YWHAZ: variants seen among roughly 807,000 people sequenced by gnomAD.
YWHAZ encodes 14-3-3 protein zeta/delta.
For synonymous variants in YWHAZ, 87 were observed against 103.6 expected (o/e 0.84, Z 0.97); for missense variants, 79 against 284.8 (o/e 0.28, Z 5.20).
chr8:100,926,418 C>T (rs1442816360), intron 2 of YWHAZ, among the ~76,000 whole-genome samples: 1 of 152,102 alleles, frequency 6.6e-6, no homozygotes, highest in Non-Finnish European at 1.5e-5. Context: ...GCTAGGGTGG[C>T]AGGATCACTT....
intron 2 of YWHAZ, among the ~76,000 whole-genome samples, chr8:100,935,321 C>T (rs1026517014): frequency 1.3e-4 from 20 of 152,180 alleles, no homozygotes; most frequent in Non-Finnish European, 2.6e-4. Flanking sequence ...TTAAATAAAA[C>T]ATTTTAAAAC....
intron 2 of YWHAZ, among the ~76,000 whole-genome samples, chr8:100,947,887 A>T (rs902250511): frequency 1.3e-5 from 2 of 152,240 alleles, no homozygotes; most frequent in African/African-American, 4.8e-5. Flanking sequence ...CCTCAAATTT[A>T]AACTATTCTT....
At position 100,923,947 on chromosome 8, in the gene YWHAZ, G is replaced by C; in HGVS notation, c.678+8C>G. The C allele has an allele frequency of 6.2e-7, 1 of 1,607,122 alleles. No individual in the cohort carries two copies. Among genetic ancestry groups the C allele is most frequent in the Middle Eastern group, 1.9e-4 (1 of 5,196 alleles). On this transcript the variant is annotated splice_region_variant and intron_variant, in intron 5 of 5. Coordinates refer to ENST00000395958, the MANE Select transcript of YWHAZ (RefSeq NM_145690.3). ...CATTCATCACTAATGATGCTGTTAT[G>C]TACTTACTGTCAAGTTGTCTCTCAG...
At chr8:100,944,199 A>G (rs1206190874) in intron 2 of YWHAZ, among the ~76,000 whole-genome samples, 1 of 152,170 alleles carries the variant, frequency 6.6e-6, no homozygotes, top group African/African-American at 2.4e-5. Context: ...TGAGCTGTCT[A>G]GTGATTTTCA....
chr8:100,943,936 G>A (rs1377831917), intron 2 of YWHAZ, among the ~76,000 whole-genome samples: 4 of 142,786 alleles, frequency 2.8e-5, no homozygotes, highest in Admixed American at 7.6e-5. Flanking sequence ...GCAGTGAGCC[G>A]AGATCGTTCC....
At chr8:100,921,620 T>C (rs1248450755) in intron 5 of YWHAZ, among the ~76,000 whole-genome samples, 1 of 152,248 alleles carries the variant, frequency 6.6e-6, no homozygotes, top group African/African-American at 2.4e-5. Flanking sequence ...ATTTATCAGG[T>C]TGGTGCAAAA....
At chr8:100,925,115 C>A in intron 2 of YWHAZ, 76 bp from the exon 3 acceptor site, 1 of 1,451,650 alleles carries the variant, frequency 6.9e-7, no homozygotes, top group Non-Finnish European at 9.3e-7. Context: ...TCTTAAAGAA[C>A]AAACTATAGC....
intron 2 of YWHAZ, among the ~76,000 whole-genome samples, chr8:100,938,054 C>T (rs551274231): frequency 4.6e-5 from 7 of 152,078 alleles, no homozygotes; most frequent in Non-Finnish European, 7.4e-5. Flanking sequence ...CACTTGAACC[C>T]GGGAGGCAGA....
chr8:100,921,884 A>C (rs911613527), intron 5 of YWHAZ, among the ~76,000 whole-genome samples: 9 of 152,232 alleles, frequency 5.9e-5, no homozygotes, highest in Non-Finnish European at 1.0e-4. Context: ...GACAATCTTA[A>C]ATTTTATATA....
chr8:100,937,217 C>T (rs1198764791), intron 2 of YWHAZ, among the ~76,000 whole-genome samples: 1 of 151,928 alleles, frequency 6.6e-6, no homozygotes, highest in African/African-American at 2.4e-5. Flanking sequence ...AAAGTTAATA[C>T]ATTTTAAAGA....
intron 2 of YWHAZ, among the ~76,000 whole-genome samples, chr8:100,931,650 G>A (rs1201929993): frequency 6.6e-6 from 1 of 151,834 alleles, no homozygotes; most frequent in Non-Finnish European, 1.5e-5. Flanking sequence ...CACATCAAAA[G>A]GCTGTTATGA....
chr8:100,952,701 CCCGGGGCGGGGGCA>C (rs1810891932), upstream of YWHAZ: 3 of 816,992 alleles, frequency 3.7e-6, no homozygotes, highest in Admixed American at 6.2e-5. Flanking sequence ...GGGCGGGGGC[CCCGGGGCGGGGGCA>C]GGGCGCGGTC....
Position 100,941,012 on chromosome 8 carries a change from C to A in YWHAZ, c.294+7584G>T, listed in dbSNP as rs77162916. ...TTAGATGGCAACAATCAAAGGGCAA[C>A]TGGGAAGGAAAAGTCGTTACTCTTA... On this transcript the variant is annotated intron_variant, in intron 2 of 5. Transcript: ENST00000395958. Among the ~76,000 whole-genome samples the A allele has an allele frequency of 9.5e-3, 1,436 of 151,444 alleles. 27 individuals are homozygous for A. The highest frequency in any genetic ancestry group is 0.034 in the African/African-American group (1,375 of 40,752).
intron 1 of YWHAZ, chr8:100,950,783 TC>T (rs766791062): frequency 5.4e-5 from 10 of 185,248 alleles, no homozygotes; most frequent in Non-Finnish European, 8.1e-5. Flanking sequence ...CCCAGCGCCT[TC>T]CCCGCCACCG....
rs1812769722 is a variant in YWHAZ at position 100,917,904 on chromosome 8, C to G, written c.*2789G>C. ...AAAGAATCTCAGGTTGGAAATTTTC[C>G]TTAATCTATTGGGAACTACTATGTA... On this transcript the variant is annotated 3_prime_UTR_variant, in exon 6 of 6. Transcript: ENST00000395958. The G allele has an allele frequency of 6.6e-6, 1 of 152,074 alleles. No homozygotes were observed. Among genetic ancestry groups the G allele is most frequent in the Admixed American group, 6.5e-5 (1 of 15,270 alleles). 9.4% of individuals were successfully genotyped at this position (152,074 alleles called of 1,614,324 possible). A position where few individuals can be genotyped will look rare whatever the true frequency, so the allele number is the denominator to read the frequency against.
At chr8:100,945,730 G>A (rs1255069573) in intron 2 of YWHAZ, among the ~76,000 whole-genome samples, 3 of 152,078 alleles carry the variant, frequency 2.0e-5, no homozygotes, top group East Asian at 3.9e-4. Context: ...TTCCAGAGTC[G>A]ATGTGACCTA....
chr8:100,917,707 C>G lies in YWHAZ; in HGVS notation c.*2986G>C, dbSNP rs41368551. 0.12 allele frequency: 17,915 copies of G among 152,136 alleles called. 1,374 individuals carry two copies. Among genetic ancestry groups the G allele is most frequent in the African/African-American group, 0.22 (9,019 of 41,454 alleles). The allele number at this position is 152,136 out of a possible 1,614,324, so 9.4% of individuals were successfully genotyped here. The stretch of plus-strand genomic sequence containing the variant: ...GCACCCCAGCCTGGGCGAGAGTTGA[C>G]ACTCCGTCTTAAAAACAAACGAACA... On this transcript the variant is annotated 3_prime_UTR_variant, in exon 6 of 6. Coordinates refer to ENST00000395958, the MANE Select transcript of YWHAZ (RefSeq NM_145690.3).
At chr8:100,923,934 A>G in intron 5 of YWHAZ, 21 bp downstream of exon 5, 2 of 1,581,920 alleles carry the variant, frequency 1.3e-6, no homozygotes, top group Middle Eastern at 2.1e-4. Flanking sequence ...TTCATCACTA[A>G]TGATGCTGTT....
At chr8:100,943,869 C>T (rs1204062126) in intron 2 of YWHAZ, among the ~76,000 whole-genome samples, 1 of 151,962 alleles carries the variant, frequency 6.6e-6, no homozygotes, top group Non-Finnish European at 1.5e-5. Context: ...CACCTGTAGT[C>T]CCAGCTACTC....
Sources: gnomAD v4.1 joint callset for allele counts (sites outside exome capture counted in the v4.1 genomes callset) on GRCh38, gnomAD v4.1.1 for gene constraint, MANE v1.5 for transcripts, NCBI Gene and HGNC (gene_info 2026-07-23, HGNC 2026-07-21) for gene names.